ATP7B: variants seen among roughly 807,000 people sequenced by gnomAD.
The protein encoded by ATP7B is copper-transporting ATPase 2.
ATP7B carries 113 observed loss-of-function variants against 118.9 expected under a neutral mutation model. That is an observed-to-expected ratio of 0.95 (90% CI 0.82 to 1.11). The LOEUF is 1.11. ATP7B is among the 50% of genes most tolerant of loss of function. ATP7B has a pLI of 0.00. For missense variants in ATP7B, 1,867 were observed against 1,871.4 expected, an observed-to-expected ratio of 1.00 and a Z score of 0.04; for synonymous variants, 777 against 727.4, an observed-to-expected ratio of 1.07 and a Z score of -1.10.
At chr13:52,011,188 C>T in intron 1 of ATP7B, 99 bp downstream of exon 1, 7 of 1,588,108 alleles carry the variant, frequency 4.4e-6, no homozygotes, top group Non-Finnish European at 6.1e-6. Context: ...TCGGCCTTCC[C>T]TGCGCACCCC....
At chr13:51,997,420 G>A (rs942512350) in intron 1 of ATP7B, among the ~76,000 whole-genome samples, 2 of 152,164 alleles carry the variant, frequency 1.3e-5, no homozygotes, top group Non-Finnish European at 1.5e-5. Flanking sequence ...AGCTAATAAG[G>A]AAAATATGTT....
intron 2 of ATP7B, among the ~76,000 whole-genome samples, chr13:51,973,269 A>C (rs182594680): frequency 2.0e-5 from 3 of 152,350 alleles, no homozygotes; most frequent in Admixed American, 1.3e-4. Flanking sequence ...TTCAGGATAC[A>C]GAATCAGAAT....
At chr13:51,953,851 T>TAAAAAAA (rs561139788) in intron 9 of ATP7B, among the ~76,000 whole-genome samples, 11 of 94,370 alleles carry the variant, frequency 1.2e-4, no homozygotes, top group African/African-American at 3.9e-4. Flanking sequence ...CCATCAATTG[T>TAAAAAAA]AAAAAAAAAA....
At chr13:51,977,154 C>A (rs1008093102) in intron 1 of ATP7B, among the ~76,000 whole-genome samples, 1 of 152,038 alleles carries the variant, frequency 6.6e-6, no homozygotes, top group Non-Finnish European at 1.5e-5. Flanking sequence ...CAAAACAAGA[C>A]CCTGTCTCTG....
chr13:51,972,028 C>A (rs116786631), intron 2 of ATP7B, among the ~76,000 whole-genome samples: 4 of 152,260 alleles, frequency 2.6e-5, no homozygotes, highest in Non-Finnish European at 5.9e-5. Flanking sequence ...GAGACACGCA[C>A]GGGCAGGGCC....
At position 51,970,623 on chromosome 13, in the gene ATP7B, G is replaced by A. The variant is rs376317361; in HGVS notation, c.1412C>T (p.Ala471Val). The change falls in exon 3 of 21, where the codon GCC becomes GTC. Residue 471 changes from alanine (A) to valine (V), a missense_variant. Transcript: ENST00000242839. Reference sequence around the variant, plus strand: ...TGGGGACTTTGCCAAGATGTCCGGGGCATGGTTTGCAGGGAGCCTCCCAGT... The same window carrying A: ...TGGGGACTTTGCCAAGATGTCCGGGACATGGTTTGCAGGGAGCCTCCCAGT... Reference protein sequence around the residue: ...PHTGRLPANHAPDILAKSPQS... With the variant: ...PHTGRLPANHVPDILAKSPQS... The A allele has an allele frequency of 1.9e-6, 3 of 1,614,150 alleles. No homozygotes were observed. Among genetic ancestry groups the A allele is most frequent in the Non-Finnish European group, 2.5e-6 (3 of 1,180,024 alleles).
upstream of ATP7B, chr13:52,012,041 C>T: frequency 2.3e-6 from 1 of 426,460 alleles, no homozygotes; most frequent in Non-Finnish European, 4.4e-6. Context: ...ATCCGCTGTG[C>T]GCAAAGGCCA....
chr13:51,939,145 G>A lies in ATP7B; in HGVS notation c.3605C>T (p.Ala1202Val), dbSNP rs778719442. 4 of 1,614,170 alleles carry A rather than the reference G, an allele frequency of 2.5e-6. No individual in the cohort carries two copies. The South Asian group carries it at 3.3e-5, about 13-fold the overall frequency. ...IAIADAVKQE[A>V]ALAVHTLQSM... ...CTGCAGCGTGTGCACAGCCAGGGCA[G>A]CCTCCTGCTTGACAGCGTCTGCGAT... Residue 1202 changes from alanine to valine, a missense_variant, in exon 17 of 21, where the codon GCT becomes GTT. Ala to Val is a moderately conservative substitution (Grantham distance 64). Coordinates refer to ENST00000242839, the MANE Select transcript of ATP7B (RefSeq NM_000053.4).
rs1251075055 is a variant in ATP7B, at chr13:51,933,345, C to T, written c.*1411G>A. The T allele has an allele frequency of 5.3e-5, 8 of 152,120 alleles. No individual in the cohort carries two copies. Among genetic ancestry groups the T allele is most frequent in the Admixed American group, 5.2e-4 (8 of 15,262 alleles). 9.4% of individuals were successfully genotyped at this position (152,120 alleles called of 1,614,324 possible). A position where few individuals can be genotyped will look rare whatever the true frequency, so the allele number is the denominator to read the frequency against. Reference sequence around the variant, plus strand: ...GTAAAATGTGGACAGTAATAGCTACCCTGCTGGTTGGTTGGGAGGATTAGA... The same window carrying T: ...GTAAAATGTGGACAGTAATAGCTACTCTGCTGGTTGGTTGGGAGGATTAGA... On this transcript the variant is annotated 3_prime_UTR_variant, in exon 21 of 21. Coordinates refer to ENST00000242839, the MANE Select transcript of ATP7B (RefSeq NM_000053.4).
intron 19 of ATP7B, among the ~76,000 whole-genome samples, chr13:51,936,248 C>T (rs1023147276): frequency 6.6e-6 from 1 of 152,166 alleles, no homozygotes; most frequent in Admixed American, 6.5e-5. Flanking sequence ...AGCTCCTGAG[C>T]CGGCTCTGGG....
chr13:52,010,771 CAT>C (rs1360913189), intron 1 of ATP7B, among the ~76,000 whole-genome samples: 5 of 152,182 alleles, frequency 3.3e-5, no homozygotes, highest in African/African-American at 7.2e-5. Context: ...CGAATGAAGA[CAT>C]ATGTACGTGA....
intron 1 of ATP7B, among the ~76,000 whole-genome samples, chr13:51,988,169 G>A (rs867826047): frequency 6.6e-6 from 1 of 151,654 alleles, no homozygotes; most frequent in African/African-American, 2.4e-5. Flanking sequence ...TCTGACAAAG[G>A]GCTAATATCC....
chr13:51,986,163 G>A (rs138054249), intron 1 of ATP7B, among the ~76,000 whole-genome samples: 237 of 152,096 alleles, frequency 1.6e-3, no homozygotes, highest in African/African-American at 5.4e-3. Context: ...TAGATAGACC[G>A]CTAGCCAGAC....
At position 51,934,947 on chromosome 13, in the gene ATP7B, G is replaced by T. The variant is rs572639840; in HGVS notation, c.4207C>A (p.His1403Asn). Reference sequence around the variant, plus strand: ...CGCCACCTGTCATCCATGCCTATGTGCACACTGACCTGGGATGCCGTCAGG... The same window carrying T: ...CGCCACCTGTCATCCATGCCTATGTTCACACTGACCTGGGATGCCGTCAGG... ...KPLTASQVSV[H>N]IGMDDRWRDS... Residue 1403 changes from histidine to asparagine, a missense_variant, in exon 21 of 21, where the codon CAC (histidine) becomes AAC (asparagine). Coordinates refer to ENST00000242839, the MANE Select transcript of ATP7B (RefSeq NM_000053.4). 6.2e-7 allele frequency: 1 copy of T among 1,614,064 alleles called. No homozygotes were observed. Among genetic ancestry groups the T allele is most frequent in the Non-Finnish European group, 8.5e-7 (1 of 1,180,052 alleles).
At chr13:51,937,769 G>A (rs1789882057) in intron 17 of ATP7B, 90 bp from the exon 18 acceptor site, 9 of 1,447,564 alleles carry the variant, frequency 6.2e-6, no homozygotes, top group Non-Finnish European at 7.7e-6. Context: ...CTCTGCCCTC[G>A]GCCTCTGGGT....
In ATP7B at chr13:52,011,430, A is replaced by T; in HGVS notation, c.-93T>A. 1 of 1,554,604 alleles carries T rather than the reference A, an allele frequency of 6.4e-7. No individual in the cohort carries two copies. The highest frequency in any genetic ancestry group is 8.8e-7 in the Non-Finnish European group (1 of 1,130,940). On this transcript the variant is annotated 5_prime_UTR_variant, in exon 1 of 21. Transcript: ENST00000242839. ...GAGAGCGGGGTGTTAAAGTCCCGGG[A>T]GAGGAGGCGCAGAGTGTGAGGGCAT...
intron 1 of ATP7B, among the ~76,000 whole-genome samples, chr13:52,009,550 C>A (rs1246704390): frequency 6.6e-6 from 1 of 152,208 alleles, no homozygotes; most frequent in East Asian, 1.9e-4. Flanking sequence ...ATTGTGGCAA[C>A]CACCTTGCCT....
At chr13:51,958,922 T>C (rs921930337) in intron 7 of ATP7B, 9 of 287,084 alleles carry the variant, frequency 3.1e-5, no homozygotes, top group Admixed American at 9.6e-5. Flanking sequence ...GTCTAATACA[T>C]AGTTAAGTGA....
intron 17 of ATP7B, 46 bp from the exon 18 acceptor site, chr13:51,937,725 G>A (rs763067237): frequency 3.1e-6 from 5 of 1,600,020 alleles, no homozygotes; most frequent in Non-Finnish European, 3.4e-6. Context: ...AAAGGTATCA[G>A]ATAGCAGCAG....
Sources: gnomAD v4.1 joint callset for allele counts (sites outside exome capture counted in the v4.1 genomes callset) on GRCh38, gnomAD v4.1.1 for gene constraint, MANE v1.5 for transcripts, NCBI Gene and HGNC (gene_info 2026-07-23, HGNC 2026-07-21) for gene names.